HELZ: variants seen among roughly 807,000 people sequenced by gnomAD.
HELZ encodes the protein helicase with zinc finger.
In HELZ, 23 loss-of-function variants were observed where a neutral mutation model predicts 218.2. That is an observed-to-expected ratio of 0.11 (90% CI 0.08 to 0.15). The LOEUF (loss-of-function observed/expected upper bound fraction) is 0.15, where lower values mean the gene tolerates loss of function less well. Ranked by LOEUF, HELZ falls within the 10% of genes least tolerant of loss-of-function variation. The probability of loss-of-function intolerance (pLI) is 1.00; values close to 1 mark genes in which losing one functional copy is unlikely to be tolerated. For synonymous variants in HELZ, 814 were observed against 829.4 expected (o/e 0.98, Z 0.32); for missense variants, 1,813 against 2,353.7 (o/e 0.77, Z 4.75).
rs373845434 is a variant in HELZ, at chr17:67,107,685, C to G, written c.4725G>C (p.Arg1575Ser). ...ACAGTTCTCTGATTAAGTCTTGAAA[C>G]CTACATGAAAACAATAAAATATGAG... ...AEDEVETTYS[R>S]FQDLIRELSH... The change falls in exon 31 of 33, where the codon AGG (arginine) becomes AGC (serine). Residue 1575 changes from arginine (R) to serine (S), a missense_variant and splice_region_variant. Physicochemically the swap from Arg to Ser is moderately radical, Grantham distance 110. Coordinates refer to ENST00000358691, the MANE Select transcript of HELZ (RefSeq NM_014877.4). 2 of 1,606,594 alleles carry G rather than the reference C, an allele frequency of 1.2e-6. No homozygotes were observed. Among genetic ancestry groups the G allele is most frequent in the Admixed American group, 1.7e-5 (1 of 58,846 alleles).
chr17:67,189,508 T>C (rs1045332052), intron 11 of HELZ, 81 bp downstream of exon 11: 3 of 810,936 alleles, frequency 3.7e-6, no homozygotes, highest in Non-Finnish European at 6.4e-6. Flanking sequence ...CAATATTCTT[T>C]AACACAGAGA....
chr17:67,232,918 G>C (rs1334111731), intron 3 of HELZ, among the ~76,000 whole-genome samples: 1 of 152,214 alleles, frequency 6.6e-6, no homozygotes. Flanking sequence ...TGGATCACTT[G>C]AGTTCAGGAG....
intron 23 of HELZ, among the ~76,000 whole-genome samples, chr17:67,131,559 T>C (rs1381514915): frequency 3.3e-5 from 5 of 152,134 alleles, no homozygotes; most frequent in Non-Finnish European, 7.4e-5. Context: ...TCTGACCTTT[T>C]TTTTTTTTGA....
chr17:67,166,641 A>G lies in HELZ; in HGVS notation c.1765-33T>C, dbSNP rs950675317. 1.9e-6 allele frequency: 3 copies of G among 1,608,340 alleles called. No individual in the cohort carries two copies. The African/African-American group carries it at 4.0e-5, about 21-fold the overall frequency. On this transcript the variant is annotated intron_variant, in intron 14 of 32. Transcript: ENST00000358691. ...ACAAAATGAATGTTTTAAAAACTGC[A>G]TGAAAGCAAACATCAATGCTGGCAG...
chr17:67,090,251 G>C (rs767771920), intron 31 of HELZ, among the ~76,000 whole-genome samples: 1 of 152,100 alleles, frequency 6.6e-6, no homozygotes, highest in South Asian at 2.1e-4. Flanking sequence ...TTGCATTCTA[G>C]AGATAAGCCC....
chr17:67,151,588 G>T (rs945669277), intron 17 of HELZ, among the ~76,000 whole-genome samples: 1 of 151,994 alleles, frequency 6.6e-6, no homozygotes, highest in Admixed American at 6.6e-5. Flanking sequence ...TTTCTAGAAC[G>T]TTCTTACAAA....
intron 5 of HELZ, among the ~76,000 whole-genome samples, chr17:67,204,859 G>A (rs1349494466): frequency 6.6e-6 from 1 of 152,058 alleles, no homozygotes; most frequent in Non-Finnish European, 1.5e-5. Flanking sequence ...AGAATGTCTT[G>A]AGTGTCTTAT....
intron 3 of HELZ, among the ~76,000 whole-genome samples, chr17:67,235,003 A>G (rs934782011): frequency 1.3e-5 from 2 of 152,206 alleles, no homozygotes; most frequent in African/African-American, 4.8e-5. Flanking sequence ...AATGGCACCT[A>G]TGAAATTCCT....
chr17:67,080,573 T>G (rs1294265760), intron 32 of HELZ, among the ~76,000 whole-genome samples: 1 of 152,218 alleles, frequency 6.6e-6, no homozygotes, highest in Non-Finnish European at 1.5e-5. Flanking sequence ...AACTGCCTTC[T>G]CAATCCAATA....
At chr17:67,090,448 T>C (rs188545439) in intron 31 of HELZ, among the ~76,000 whole-genome samples, 160 of 152,312 alleles carry the variant, frequency 1.1e-3, no homozygotes, top group African/African-American at 3.6e-3. Context: ...TTCTATTCTC[T>C]GGAAAAGATT....
chr17:67,188,105 A>T lies in HELZ; in HGVS notation c.1162+214T>A. ...TACTCATACAAGTTTGGGGAACCTC[A>T]AAGTTCAAGCTTTACCTGGTGGCTC... On this transcript the variant is annotated intron_variant, in intron 12 of 32. Transcript: ENST00000358691. The surrounding 1 kb of genome is among the most constrained non-coding windows in gnomAD (Gnocchi z 4.1). The T allele has an allele frequency of 2.1e-6, 1 of 486,374 alleles. No homozygotes were observed. The highest frequency in any genetic ancestry group is 3.3e-5 in the South Asian group (1 of 30,486). 30.1% of individuals were successfully genotyped at this position (486,374 alleles called of 1,614,324 possible). A position where few individuals can be genotyped will look rare whatever the true frequency, so the allele number is the denominator to read the frequency against.
At chr17:67,128,512 G>A (rs2037873697) in intron 24 of HELZ, 139 bp downstream of exon 24, 1 of 728,222 alleles carries the variant, frequency 1.4e-6, no homozygotes, top group Middle Eastern at 3.7e-4. Context: ...CACTAAACAA[G>A]CTCCTTGCAG....
In HELZ at chr17:67,071,577, T is replaced by C. The variant is rs956151633; in HGVS notation, c.*6675A>G. 6 of 152,180 alleles carry C rather than the reference T, an allele frequency of 3.9e-5. No individual in the cohort carries two copies. Among genetic ancestry groups the C allele is most frequent in the African/African-American group, 9.7e-5 (4 of 41,448 alleles). 9.4% of individuals were successfully genotyped at this position (152,180 alleles called of 1,614,324 possible). A position where few individuals can be genotyped will look rare whatever the true frequency, so the allele number is the denominator to read the frequency against. On this transcript the variant is annotated 3_prime_UTR_variant, in exon 33 of 33. Coordinates refer to ENST00000358691, the MANE Select transcript of HELZ (RefSeq NM_014877.4). ...ATTCTGTATTCTATTACCATAAAAA[T>C]AGCTTTTTTTTGTCTTTCTAGTAGC...
At chr17:67,236,966 C>A in intron 3 of HELZ, among the ~76,000 whole-genome samples, 1 of 152,194 alleles carries the variant, frequency 6.6e-6, no homozygotes, top group Non-Finnish European at 1.5e-5. Flanking sequence ...CAAGGACCAG[C>A]CAACTGCCTC....
Position 67,244,746 on chromosome 17 carries a change from C to T in HELZ, c.-132+402G>A, listed in dbSNP as rs1056932314. 3 of 984,464 alleles carry T rather than the reference C, an allele frequency of 3.0e-6. No homozygotes were observed. The South Asian group carries it at 1.4e-4, about 46-fold the overall frequency. 61.0% of individuals were successfully genotyped at this position (984,464 alleles called of 1,614,324 possible). On this transcript the variant is annotated intron_variant, in intron 1 of 32. Coordinates refer to ENST00000358691, the MANE Select transcript of HELZ (RefSeq NM_014877.4). ...GGGCATCGAGCGGGGCGTGGGAGGC[C>T]CGCACGCTCCCCACCCCCAGCCGCG...
chr17:67,211,782 G>A (rs1248781617), intron 5 of HELZ, among the ~76,000 whole-genome samples: 1 of 151,988 alleles, frequency 6.6e-6, no homozygotes, highest in Non-Finnish European at 1.5e-5. Flanking sequence ...AATTGCTTGA[G>A]CCCGTAAGGC....
At chr17:67,208,974 GA>G (rs1288589495) in intron 5 of HELZ, among the ~76,000 whole-genome samples, 1 of 125,474 alleles carries the variant, frequency 8.0e-6, no homozygotes, top group African/African-American at 2.9e-5. Context: ...AAAGAGAAGA[GA>G]AGAGAAAAGA....
chr17:67,076,547 A>T lies in HELZ; in HGVS notation c.*1705T>A, dbSNP rs1475491139. On this transcript the variant is annotated 3_prime_UTR_variant, in exon 33 of 33. Coordinates refer to ENST00000358691, the MANE Select transcript of HELZ (RefSeq NM_014877.4). ...CACAAATGAACCGCACTCTTAGCAG[A>T]AAGGTAGAGCTGAATACAAGAGGCA... 1 of 152,380 alleles carries T rather than the reference A, an allele frequency of 6.6e-6. No homozygotes were observed. Among genetic ancestry groups the T allele is most frequent in the Non-Finnish European group, 1.5e-5 (1 of 68,094 alleles). The allele number at this position is 152,380 out of a possible 1,614,324, so 9.4% of individuals were successfully genotyped here.
intron 4 of HELZ, among the ~76,000 whole-genome samples, chr17:67,217,325 T>C (rs1432283689): frequency 2.6e-5 from 4 of 152,228 alleles, no homozygotes; most frequent in African/African-American, 9.7e-5. Flanking sequence ...TGATTGCTTC[T>C]ATTTTCAATG....
Sources: allele counts gnomAD v4.1 joint callset (sites outside exome capture counted in the v4.1 genomes callset), GRCh38; gene constraint gnomAD v4.1.1; non-coding constraint Gnocchi (gnomAD v3.1); transcripts MANE v1.5; gene names NCBI Gene and HGNC (gene_info 2026-07-23, HGNC 2026-07-21).